DSE: variants seen among roughly 807,000 people sequenced by gnomAD.
DSE encodes the protein dermatan-sulfate epimerase.
Under a neutral mutation model 84.4 loss-of-function variants are expected in DSE, and 36 were observed. That is an observed-to-expected ratio of 0.43 (90% CI 0.33 to 0.56). The LOEUF is 0.56. Among genes scored for constraint, DSE ranks in the 20% least tolerant of loss-of-function variants. The probability of loss-of-function intolerance (pLI) is 0.06; values close to 1 mark genes in which losing one functional copy is unlikely to be tolerated. For missense variants in DSE, 862 were observed against 1,169.6 expected, an observed-to-expected ratio of 0.74 and a Z score of 3.84; for synonymous variants, 410 against 430.1, an observed-to-expected ratio of 0.95 and a Z score of 0.58.
At chr6:116,281,826 G>T (rs1308503700) in intron 2 of DSE, among the ~76,000 whole-genome samples, 1 of 152,186 alleles carries the variant, frequency 6.6e-6, no homozygotes, top group Non-Finnish European at 1.5e-5. Flanking sequence ...GGGGCATATG[G>T]GTTGTCACTC....
intron 2 of DSE, among the ~76,000 whole-genome samples, chr6:116,331,454 C>G (rs1288258689): frequency 6.6e-6 from 1 of 152,106 alleles, no homozygotes; most frequent in African/African-American, 2.4e-5. Flanking sequence ...AGAAGTCACT[C>G]ACTATCATGA....
At chr6:116,432,739 T>C (rs1243227276) in intron 4 of DSE, 1 of 152,278 alleles carries the variant, frequency 6.6e-6, no homozygotes, top group Non-Finnish European at 1.5e-5. Context: ...GCTTTTATTT[T>C]TCTTCCCTAT....
At position 116,296,285 on chromosome 6, in the gene DSE, T is replaced by A. The variant is rs192882654; in HGVS notation, c.-54+37318T>A. Among the ~76,000 whole-genome samples, 29 of 152,350 alleles carry A rather than the reference T, an allele frequency of 1.9e-4. 1 individual carries two copies. The highest frequency in any genetic ancestry group is 5.1e-4 in the African/African-American group (21 of 41,584). On this transcript the variant is annotated intron_variant, in intron 2 of 3. Transcript: ENST00000430252. Reference sequence around the variant, plus strand: ...AACAATGTTATACTGTATTATTTTTTAATTTGTATTATTGTTTACTGTTAC... The same window carrying A: ...AACAATGTTATACTGTATTATTTTTAAATTTGTATTATTGTTTACTGTTAC...
chr6:116,349,156 A>G (rs529120895), intron 2 of DSE, among the ~76,000 whole-genome samples: 1 of 152,260 alleles, frequency 6.6e-6, no homozygotes, highest in Admixed American at 6.5e-5. Context: ...ATATATATCA[A>G]TATTTATATA....
intron 2 of DSE, among the ~76,000 whole-genome samples, chr6:116,353,878 T>C (rs1035539117): frequency 2.6e-4 from 40 of 152,290 alleles, no homozygotes; most frequent in African/African-American, 9.1e-4. Flanking sequence ...TTATTTTAAA[T>C]TTAAAAAAAT....
At chr6:116,278,856 A>T in intron 2 of DSE, 1 of 1,614,104 alleles carries the variant, frequency 6.2e-7, no homozygotes, top group Non-Finnish European at 8.5e-7. Context: ...GGTTTCTTCT[A>T]AAGAAGAACT....
chr6:116,310,760 A>G (rs886370387), intron 2 of DSE, among the ~76,000 whole-genome samples: 4 of 152,174 alleles, frequency 2.6e-5, no homozygotes, highest in Non-Finnish European at 5.9e-5. Flanking sequence ...CCCTGGTTCC[A>G]CTGATCCTCC....
chr6:116,254,202 T>A, exon 1 of DSE: 1 of 724,444 alleles, frequency 1.4e-6, no homozygotes. Context: ...TATCAATCCA[T>A]CGTATTCCTT....
chr6:116,431,051 T>C lies in DSE; in HGVS notation c.768T>C (p.Tyr256=), dbSNP rs1157340521. The change falls in exon 4 of 6, where the codon TAT becomes TAC. Residue 256 remains tyrosine (Y), a synonymous_variant. Coordinates refer to ENST00000644252, the MANE Select transcript of DSE (RefSeq NM_013352.4). ...GGGAGGTGACGGATGGCTCCCTCTA[T>C]GAAGGAGTTGCGTATGGCAGCTACA... The part of the protein sequence containing the change: ...LLREVTDGSL[Y]EGVAYGSYTT... The C allele has an allele frequency of 1.2e-6, 2 of 1,614,166 alleles. No individual in the cohort carries two copies. The highest frequency in any genetic ancestry group is 1.7e-6 in the Non-Finnish European group (2 of 1,180,024).
chr6:116,295,500 A>T (rs1274501862), intron 2 of DSE, among the ~76,000 whole-genome samples: 1 of 152,206 alleles, frequency 6.6e-6, no homozygotes, highest in African/African-American at 2.4e-5. Context: ...TGATCCAACA[A>T]CTATACTAGC....
intron 2 of DSE, among the ~76,000 whole-genome samples, chr6:116,260,107 C>G (rs955462000): frequency 6.6e-6 from 1 of 152,244 alleles, no homozygotes; most frequent in African/African-American, 2.4e-5. Context: ...CTCCCACCAA[C>G]AGTGTATAAG....
intron 5 of DSE, among the ~76,000 whole-genome samples, chr6:116,434,465 A>T (rs1188245833): frequency 5.5e-5 from 8 of 145,508 alleles, no homozygotes; most frequent in African/African-American, 9.7e-5. Flanking sequence ...ACATATTAAG[A>T]TGCAACCATC....
chr6:116,288,545 A>G (rs1582949415), intron 2 of DSE: 3 of 152,216 alleles, frequency 2.0e-5, no homozygotes, highest in Admixed American at 2.0e-4. Flanking sequence ...CATAGTAACC[A>G]TACTTGTCCA....
Position 116,444,722 on chromosome 6 carries a change from C to T in DSE, c.*7377C>T, listed in dbSNP as rs1231679163. The T allele has an allele frequency of 6.6e-6, 1 of 152,172 alleles. No individual in the cohort carries two copies. Among genetic ancestry groups the T allele is most frequent in the East Asian group, 1.9e-4 (1 of 5,188 alleles). The allele number at this position is 152,172 out of a possible 1,614,324, so 9.4% of individuals were successfully genotyped here. Reference sequence around the variant, plus strand: ...CAGAGAGGTCCCTTGTCCCTTCCAACATGTGAGGCTACAGTGAAAAGATGG... The same window carrying T: ...CAGAGAGGTCCCTTGTCCCTTCCAATATGTGAGGCTACAGTGAAAAGATGG... On this transcript the variant is annotated 3_prime_UTR_variant, in exon 6 of 6. Transcript: ENST00000644252.
At chr6:116,318,423 A>G (rs775654489) in intron 2 of DSE, among the ~76,000 whole-genome samples, 34 of 152,252 alleles carry the variant, frequency 2.2e-4, no homozygotes, top group Non-Finnish European at 4.0e-4. Flanking sequence ...GGAGAATGGC[A>G]TGAACCCGGG....
At chr6:116,285,382 G>C (rs1325434480) in intron 2 of DSE, among the ~76,000 whole-genome samples, 1 of 152,090 alleles carries the variant, frequency 6.6e-6, no homozygotes, top group Non-Finnish European at 1.5e-5. Flanking sequence ...ATTTTTTCTT[G>C]TAAATTTGTT....
chr6:116,368,249 C>G (rs1779275272), upstream of DSE, among the ~76,000 whole-genome samples: 2 of 152,126 alleles, frequency 1.3e-5, no homozygotes, highest in South Asian at 2.1e-4. Context: ...CCTGGGACAA[C>G]AGACAAAAAT....
chr6:116,261,860 G>T (rs2114598498), intron 2 of DSE, among the ~76,000 whole-genome samples: 1 of 152,282 alleles, frequency 6.6e-6, no homozygotes, highest in Non-Finnish European at 1.5e-5. Context: ...TAATCATATG[G>T]TTTTTGTCTT....
At chr6:116,348,320 G>A (rs570405435) in intron 2 of DSE, among the ~76,000 whole-genome samples, 9 of 152,164 alleles carry the variant, frequency 5.9e-5, no homozygotes, top group East Asian at 1.9e-4. Context: ...CCAGCTACTC[G>A]GGAGGCTGAG....
Sources: gnomAD v4.1 joint callset for allele counts (sites outside exome capture counted in the v4.1 genomes callset) on GRCh38, gnomAD v4.1.1 for gene constraint, MANE v1.5 for transcripts, NCBI Gene and HGNC (gene_info 2026-07-23, HGNC 2026-07-21) for gene names.